RABGAP1L: variants seen among roughly 807,000 people sequenced by gnomAD.
RABGAP1L encodes the protein RAB GTPase activating protein 1 like.
A neutral mutation model predicts 137.7 loss-of-function variants in RABGAP1L; 63 were observed. The ratio of observed to expected loss-of-function variants is 0.46; its 90% CI spans 0.37 to 0.56. RABGAP1L has a LOEUF of 0.56. RABGAP1L is among the 20% of genes least tolerant of loss of function. The pLI, the probability that RABGAP1L is intolerant of heterozygous loss-of-function variation, is 0.00. For synonymous variants in RABGAP1L, 431 were observed against 433.7 expected, an observed-to-expected ratio of 0.99 and a Z score of 0.08; for missense variants, 1,095 against 1,244.0, an observed-to-expected ratio of 0.88 and a Z score of 1.80.
intron 13 of RABGAP1L, among the ~76,000 whole-genome samples, chr1:174,592,822 G>GT (rs1308057975): frequency 1.5e-5 from 1 of 66,000 alleles, no homozygotes; most frequent in African/African-American, 1.6e-4. Flanking sequence ...CTCTTTTTGG[G>GT]TTGTGTCTCT....
At chr1:174,739,228 T>TGA (rs1443906779) in intron 17 of RABGAP1L, among the ~76,000 whole-genome samples, 1 of 152,220 alleles carries the variant, frequency 6.6e-6, no homozygotes, top group Non-Finnish European at 1.5e-5. Context: ...CAGTTAAATA[T>TGA]GACTAGATAT....
At chr1:174,927,089 G>C (rs72717661) in intron 19 of RABGAP1L, among the ~76,000 whole-genome samples, 9 of 151,328 alleles carry the variant, frequency 5.9e-5, no homozygotes, top group Non-Finnish European at 1.3e-4. Context: ...AAAAAAAAGT[G>C]GGGGGGCCAT....
intron 13 of RABGAP1L, among the ~76,000 whole-genome samples, chr1:174,603,633 T>C (rs1259001493): frequency 1.3e-5 from 2 of 152,074 alleles, no homozygotes; most frequent in African/African-American, 2.4e-5. Flanking sequence ...AAAGAGCCTG[T>C]TGTAATGGCC....
chr1:174,870,276 A>C (rs75884933), intron 19 of RABGAP1L, among the ~76,000 whole-genome samples: 1 of 152,222 alleles, frequency 6.6e-6, no homozygotes, highest in African/African-American at 2.4e-5. Context: ...CCTGTAAAAA[A>C]TTATTTCACT....
In RABGAP1L at chr1:174,991,350, T is replaced by C. The variant is rs1243890967; in HGVS notation, c.*1349T>C. On this transcript the variant is annotated 3_prime_UTR_variant, in exon 26 of 26. Coordinates refer to ENST00000681986, the MANE Select transcript of RABGAP1L (RefSeq NM_001366446.1). ...AATAACATTTGTTGATATTAATCAT[T>C]GGCCTCATTGTTGAACATATTATTT... 5 of 152,238 alleles carry C rather than the reference T, an allele frequency of 3.3e-5. No individual in the cohort carries two copies. Among genetic ancestry groups the C allele is most frequent in the Admixed American group, 1.3e-4 (2 of 15,290 alleles). 9.4% of individuals were successfully genotyped at this position (152,238 alleles called of 1,614,324 possible). A position where few individuals can be genotyped will look rare whatever the true frequency, so the allele number is the denominator to read the frequency against.
intron 19 of RABGAP1L, among the ~76,000 whole-genome samples, chr1:174,941,539 G>C (rs892973738): frequency 1.3e-5 from 2 of 152,142 alleles, no homozygotes; most frequent in Non-Finnish European, 2.9e-5. Flanking sequence ...AGTGTCACCC[G>C]AGGCAGAGCA....
chr1:174,275,975 T>C, intron 9 of RABGAP1L, 40 bp downstream of exon 9: 1 of 1,509,262 alleles, frequency 6.6e-7, no homozygotes, highest in Non-Finnish European at 9.2e-7. Context: ...TTGCTTTACA[T>C]TTTATATTAT....
chr1:174,435,692 A>T (rs1397504842), intron 13 of RABGAP1L, among the ~76,000 whole-genome samples: 1 of 151,980 alleles, frequency 6.6e-6, no homozygotes. Flanking sequence ...TTTAGGGTAC[A>T]TGTACACAAC....
chr1:174,862,989 G>A (rs1650503861), intron 19 of RABGAP1L, among the ~76,000 whole-genome samples: 1 of 151,578 alleles, frequency 6.6e-6, no homozygotes, highest in South Asian at 2.1e-4. Flanking sequence ...CTGCCACCTG[G>A]ATTCAAGTGA....
At chr1:174,190,964 G>C (rs1019800906) in intron 1 of RABGAP1L, among the ~76,000 whole-genome samples, 1 of 152,206 alleles carries the variant, frequency 6.6e-6, no homozygotes, top group East Asian at 1.9e-4. Flanking sequence ...TGGAAGAACG[G>C]CTAGTTGGTG....
intron 13 of RABGAP1L, among the ~76,000 whole-genome samples, chr1:174,462,229 G>A (rs1656770396): frequency 6.6e-6 from 1 of 151,830 alleles, no homozygotes; most frequent in South Asian, 2.1e-4. Context: ...ATTTTCCCTT[G>A]GTTTATAAAC....
chr1:174,811,072 G>T (rs58762254), intron 18 of RABGAP1L, among the ~76,000 whole-genome samples: 11,610 of 152,102 alleles, frequency 0.076, 627 homozygotes, highest in East Asian at 0.32. Context: ...ATGCACTCCC[G>T]CCTGGGCAAC....
chr1:174,879,100 G>C (rs1443469423), intron 19 of RABGAP1L, among the ~76,000 whole-genome samples: 2 of 116,390 alleles, frequency 1.7e-5, no homozygotes, highest in African/African-American at 6.4e-5. Flanking sequence ...ACGCCTGGCT[G>C]TTTTTTTTTT....
At chr1:174,341,789 G>A (rs1278904427) in intron 11 of RABGAP1L, among the ~76,000 whole-genome samples, 1 of 152,084 alleles carries the variant, frequency 6.6e-6, no homozygotes, top group Admixed American at 6.5e-5. Flanking sequence ...TTAATGAAAT[G>A]TGTTTCAAAA....
chr1:174,762,832 T>A (rs890031259), intron 18 of RABGAP1L, among the ~76,000 whole-genome samples: 11 of 132,990 alleles, frequency 8.3e-5, no homozygotes, highest in African/African-American at 2.5e-4. Flanking sequence ...TTTTTTTTTT[T>A]AAGATAGATT....
At chr1:174,642,413 A>G (rs1277144267) in intron 14 of RABGAP1L, among the ~76,000 whole-genome samples, 1 of 152,228 alleles carries the variant, frequency 6.6e-6, no homozygotes, top group Admixed American at 6.5e-5. Flanking sequence ...TGGAGAATGC[A>G]AATAATCACT....
At chr1:174,166,749 C>A (rs56223691) in intron 1 of RABGAP1L, among the ~76,000 whole-genome samples, 1,867 of 152,302 alleles carry the variant, frequency 0.012, 48 homozygotes, top group African/African-American at 0.043. Context: ...TTTGAAGAAG[C>A]CTTGCTTCTC....
chr1:174,357,685 A>G (rs1181982605), intron 11 of RABGAP1L, among the ~76,000 whole-genome samples: 2 of 152,232 alleles, frequency 1.3e-5, no homozygotes, highest in African/African-American at 2.4e-5. Context: ...TAAAGGGAGC[A>G]TAAGGCTTGA....
chr1:174,377,053 CTA>C (rs1418474840), intron 12 of RABGAP1L, among the ~76,000 whole-genome samples: 1 of 152,030 alleles, frequency 6.6e-6, no homozygotes, highest in Non-Finnish European at 1.5e-5. Context: ...AGTTTCATTT[CTA>C]TACACTGGCA....
Sources: gnomAD v4.1 joint callset for allele counts (sites outside exome capture counted in the v4.1 genomes callset) on GRCh38, gnomAD v4.1.1 for gene constraint, MANE v1.5 for transcripts, NCBI Gene and HGNC (gene_info 2026-07-23, HGNC 2026-07-21) for gene names.